PUS10: variants seen among roughly 807,000 people sequenced by gnomAD.
PUS10 encodes tRNA pseudouridine synthase Pus10.
Under a neutral mutation model 75.0 loss-of-function variants are expected in PUS10, and 59 were observed. The ratio of observed to expected loss-of-function variants is 0.79; its 90% confidence interval spans 0.64 to 0.98. The LOEUF is 0.98. Among genes scored for constraint, PUS10 ranks in the 50% least tolerant of loss-of-function variants. The pLI is 0.00. For missense variants in PUS10, 650 were observed against 614.4 expected (o/e 1.06, Z -0.61); for synonymous variants, 219 against 211.6 (o/e 1.03, Z -0.30).
intron 4 of PUS10, among the ~76,000 whole-genome samples, chr2:60,984,057 G>C (rs951094932): frequency 6.6e-6 from 1 of 152,078 alleles, no homozygotes; most frequent in African/African-American, 2.4e-5. Flanking sequence ...ATAAATAAAT[G>C]TGTGAGGAAA....
chr2:60,953,862 C>A, intron 14 of PUS10, 71 bp downstream of exon 14: 1 of 1,142,404 alleles, frequency 8.8e-7, no homozygotes, highest in Non-Finnish European at 1.3e-6. Context: ...GGATGCAATT[C>A]CCTTATCAAG....
chr2:61,004,500 G>T (rs962209873), intron 4 of PUS10, among the ~76,000 whole-genome samples: 29 of 151,828 alleles, frequency 1.9e-4, no homozygotes, highest in Non-Finnish European at 8.8e-5. Flanking sequence ...ATGGTGGCGG[G>T]CACCTGTAGT....
chr2:60,994,720 T>C (rs967356434), intron 4 of PUS10, among the ~76,000 whole-genome samples: 4 of 152,154 alleles, frequency 2.6e-5, no homozygotes, highest in Non-Finnish European at 1.5e-5. Flanking sequence ...ACTGGACCAT[T>C]TGGAGAAAGA....
At chr2:60,979,124 C>T (rs1290900387) in intron 4 of PUS10, among the ~76,000 whole-genome samples, 1 of 147,470 alleles carries the variant, frequency 6.8e-6, no homozygotes, top group Non-Finnish European at 1.5e-5. Flanking sequence ...TACACATACA[C>T]ATACACATAC....
chr2:60,955,485 A>C (rs1675592080), intron 11 of PUS10, among the ~76,000 whole-genome samples: 1 of 152,100 alleles, frequency 6.6e-6, no homozygotes, highest in Non-Finnish European at 1.5e-5. Context: ...GCACACCAGC[A>C]CACCTGGCTA....
At chr2:60,975,169 C>T (rs1451246898) in intron 4 of PUS10, among the ~76,000 whole-genome samples, 6 of 152,092 alleles carry the variant, frequency 3.9e-5, no homozygotes, top group African/African-American at 1.2e-4. Context: ...TTGTTTGAGA[C>T]GGAGCCTCAC....
At chr2:60,948,883 A>C (rs1675158232) in intron 15 of PUS10, among the ~76,000 whole-genome samples, 1 of 152,192 alleles carries the variant, frequency 6.6e-6, no homozygotes, top group African/African-American at 2.4e-5. Context: ...ACTAATTCCA[A>C]GTTTTAAAAA....
chr2:61,017,970 C>G (rs1680126006), intron 1 of PUS10, 38 bp downstream of exon 1: 1 of 1,333,388 alleles, frequency 7.5e-7, no homozygotes. Flanking sequence ...AATACCCAAC[C>G]TTGGGGATAG....
Position 60,975,784 on chromosome 2 carries a change from C to CA in PUS10, c.469-4228dup, listed in dbSNP as rs200560223. On this transcript the variant is annotated intron_variant, in intron 4 of 17. Transcript: ENST00000316752. Reference sequence around the variant, plus strand: ...TTGTTTTTTTTCTTTTATTTTGAGACAGAGTCTCACTCTGTCACCCAGGCT... The same window carrying CA: ...TTGTTTTTTTTCTTTTATTTTGAGACAAGAGTCTCACTCTGTCACCCAGGCT... Among the ~76,000 whole-genome samples, 1,347 of 151,376 alleles carry CA rather than the reference C, an allele frequency of 8.9e-3. 32 individuals carry two copies. The highest frequency in any genetic ancestry group is 0.031 in the African/African-American group (1,260 of 41,170).
intron 4 of PUS10, among the ~76,000 whole-genome samples, chr2:60,993,219 G>A (rs1678225599): frequency 1.3e-5 from 2 of 152,304 alleles, no homozygotes; most frequent in Admixed American, 6.5e-5. Flanking sequence ...GACTTTGGAA[G>A]GCTGAGGCAG....
chr2:60,948,316 C>G, intron 15 of PUS10, 131 bp from the exon 16 acceptor site: 1 of 842,340 alleles, frequency 1.2e-6, no homozygotes, highest in Non-Finnish European at 1.9e-6. Context: ...GAATTGTGTC[C>G]CCTTAGGTTC....
rs1165386413 is a variant in PUS10 at position 60,967,258 on chromosome 2, T to C, written c.615+244A>G. The C allele has an allele frequency of 9.1e-6, 3 of 331,236 alleles. No individual in the cohort carries two copies. The East Asian group carries it at 2.6e-4, about 29-fold the overall frequency. 20.5% of individuals were successfully genotyped at this position (331,236 alleles called of 1,614,324 possible). On this transcript the variant is annotated intron_variant, in intron 6 of 17. Coordinates refer to ENST00000316752, the MANE Select transcript of PUS10 (RefSeq NM_144709.4). Reference sequence around the variant, plus strand: ...AAGATTCATTTCTAACCTTTTAAGGTCAATTAGGGCACCTGGTACCTTCAT... The same window carrying C: ...AAGATTCATTTCTAACCTTTTAAGGCCAATTAGGGCACCTGGTACCTTCAT...
At chr2:60,963,491 G>A (rs1289582676) in intron 8 of PUS10, among the ~76,000 whole-genome samples, 2 of 152,142 alleles carry the variant, frequency 1.3e-5, no homozygotes, top group African/African-American at 2.4e-5. Flanking sequence ...GATAAGAAAA[G>A]CCAAACTGCA....
intron 1 of PUS10, among the ~76,000 whole-genome samples, chr2:61,014,525 A>G (rs545780582): frequency 6.6e-6 from 1 of 152,374 alleles, no homozygotes; most frequent in East Asian, 1.9e-4. Flanking sequence ...GAATGAAGGC[A>G]AATCTGTCTC....
At chr2:60,972,248 C>T (rs1364325691) in intron 4 of PUS10, among the ~76,000 whole-genome samples, 2 of 148,184 alleles carry the variant, frequency 1.3e-5, no homozygotes, top group African/African-American at 4.9e-5. Flanking sequence ...CGGATCACGA[C>T]GTCAGGAGAT....
rs547279231 is a variant in PUS10 at position 60,994,080 on chromosome 2, C to T, written c.468+12477G>A. On this transcript the variant is annotated intron_variant, in intron 4 of 17. Transcript: ENST00000316752. ...CTGGGATTACAGGCGTGAGCCACCG[C>T]GCCCGGCCAGATCGACACTTCGTAA... Among the ~76,000 whole-genome samples, 33 of 152,044 alleles carry T rather than the reference C, an allele frequency of 2.2e-4. No individual in the cohort carries two copies. The East Asian group carries it at 5.4e-3, about 25-fold the overall frequency.
rs538625965 is a variant in PUS10 at position 60,964,403 on chromosome 2, T to G, written c.723+655A>C. Among the ~76,000 whole-genome samples the G allele has an allele frequency of 7.2e-5, 11 of 152,336 alleles. No homozygotes were observed. In the East Asian group the frequency reaches 2.1e-3, roughly 29 times the overall value. On this transcript the variant is annotated intron_variant, in intron 8 of 17. Transcript: ENST00000316752. ...AACTGTAGGAATGCCTAAGTCTACG[T>G]ACCAAACCACCTACGAAACTGATGC...
chr2:60,990,515 C>T (rs564471137), intron 4 of PUS10, among the ~76,000 whole-genome samples: 65 of 152,236 alleles, frequency 4.3e-4, no homozygotes, highest in African/African-American at 1.5e-3. Context: ...ACCCTAGAAG[C>T]AGGGGTAAAT....
intron 17 of PUS10, among the ~76,000 whole-genome samples, chr2:60,943,036 G>GAAAAA (rs1163561504): frequency 3.8e-5 from 3 of 78,396 alleles, no homozygotes; most frequent in Admixed American, 1.3e-4. Context: ...ATCTATCTCA[G>GAAAAA]AAAAAAAAAA....
Sources: allele counts gnomAD v4.1 joint callset (sites outside exome capture counted in the v4.1 genomes callset), GRCh38; gene constraint gnomAD v4.1.1; transcripts MANE v1.5; gene names NCBI Gene and HGNC (gene_info 2026-07-23, HGNC 2026-07-21).